ZNF600: variants seen among roughly 807,000 people sequenced by gnomAD.
ZNF600 encodes zinc finger protein KR-ZNF1.
ZNF600 carries 4 observed loss-of-function variants against 7.3 expected under a neutral mutation model. That is an observed-to-expected ratio of 0.55 (90% CI 0.27 to 1.25). The LOEUF is 1.25. Ranked by LOEUF, ZNF600 falls within the 50% of genes most tolerant of loss-of-function variation. ZNF600 has a pLI of 0.12. For missense variants in ZNF600, 911 were observed against 922.1 expected, an observed-to-expected ratio of 0.99 and a Z score of 0.16; for synonymous variants, 290 against 308.9, an observed-to-expected ratio of 0.94 and a Z score of 0.64.
At chr19:52,799,296 A>G in the ZNF600 span, 3 of 354,350 alleles carry the variant, frequency 8.5e-6, no homozygotes, top group East Asian at 1.3e-4. Context: ...TTGAATTCTA[A>G]TATGTTTTGC....
intron 1 of ZNF600, among the ~76,000 whole-genome samples, chr19:52,783,847 A>G (rs2062743338): frequency 6.6e-6 from 1 of 150,938 alleles, no homozygotes; most frequent in Non-Finnish European, 1.5e-5. Flanking sequence ...CTGAAGTCCA[A>G]TGGTGCGATC....
At chr19:52,802,805 G>T in the ZNF600 span, among the ~76,000 whole-genome samples, 3,063 of 148,464 alleles carry the variant, frequency 0.021, 117 homozygotes, top group African/African-American at 0.072. Context: ...CTGTCGCCCA[G>T]GCTGGAGTGC....
the ZNF600 span, among the ~76,000 whole-genome samples, chr19:52,816,601 T>C: frequency 1.5e-3 from 215 of 144,782 alleles, 30 homozygotes; most frequent in African/African-American, 5.5e-3. Context: ...GAGGCAGAGC[T>C]TGCAGTGAGC....
chr19:52,804,105 G>T, the ZNF600 span, among the ~76,000 whole-genome samples: 1 of 152,178 alleles, frequency 6.6e-6, no homozygotes. Flanking sequence ...CATTTATAGA[G>T]ACATTAAAGA....
intron 2 of ZNF600, among the ~76,000 whole-genome samples, chr19:52,776,382 C>T (rs1330436640): frequency 2.0e-5 from 3 of 151,890 alleles, no homozygotes; most frequent in African/African-American, 7.3e-5. Flanking sequence ...TGGACACACA[C>T]AGGCATACAT....
the ZNF600 span, chr19:52,810,390 C>A: frequency 6.2e-7 from 1 of 1,604,962 alleles, no homozygotes; most frequent in Non-Finnish European, 8.5e-7. Flanking sequence ...TTCAGTCAAC[C>A]ACGTTACCAT....
upstream of ZNF600, among the ~76,000 whole-genome samples, chr19:52,791,114 A>G (rs1409405366): frequency 6.6e-6 from 1 of 152,212 alleles, no homozygotes; most frequent in East Asian, 1.9e-4. Context: ...AATTTACCAG[A>G]TATCTGTGCA....
chr19:52,807,698 C>T, the ZNF600 span, among the ~76,000 whole-genome samples: 1 of 152,070 alleles, frequency 6.6e-6, no homozygotes, highest in Non-Finnish European at 1.5e-5. Context: ...TGGTTTTGAA[C>T]TCCTCACCCA....
chr19:52,776,880 G>C (rs1312513407), intron 2 of ZNF600, among the ~76,000 whole-genome samples: 2 of 152,076 alleles, frequency 1.3e-5, no homozygotes, highest in Admixed American at 6.5e-5. Flanking sequence ...TCTAATCCAA[G>C]CTACTGGAGA....
chr19:52,801,020 C>T, the ZNF600 span: 1 of 1,613,952 alleles, frequency 6.2e-7, no homozygotes, highest in Non-Finnish European at 8.5e-7. Flanking sequence ...TCTTGCCACA[C>T]TCATTACACT....
At chr19:52,778,834 G>A in exon 2 of ZNF600, 8 of 1,607,362 alleles carry the variant, frequency 5.0e-6, no homozygotes, top group Non-Finnish European at 6.8e-6. Flanking sequence ...ACCTGAGGAA[G>A]AGCCATGCCT....
chr19:52,784,048 T>C (rs1034743453), intron 1 of ZNF600, among the ~76,000 whole-genome samples: 59 of 151,732 alleles, frequency 3.9e-4, no homozygotes, highest in African/African-American at 1.3e-3. Flanking sequence ...GCACTCCAGC[T>C]TGGGCAAAAA....
chr19:52,771,232 C>T (rs542569971), intron 3 of ZNF600, among the ~76,000 whole-genome samples: 11 of 152,280 alleles, frequency 7.2e-5, no homozygotes, highest in South Asian at 2.1e-4. Context: ...GGCTAAACCA[C>T]GAAGAAGGCT....
the ZNF600 span, among the ~76,000 whole-genome samples, chr19:52,827,675 GCTGGGACTACAGGCACCCGCCACCACGC>G: frequency 6.6e-6 from 1 of 151,672 alleles, no homozygotes; most frequent in African/African-American, 2.4e-5. Flanking sequence ...CTCCCGAGTA[GCTGGGACTACAGGCACCCGCCACCACGC>G]CTGGCTAATT....
At chr19:52,801,076 A>T in the ZNF600 span, 2 of 1,614,180 alleles carry the variant, frequency 1.2e-6, no homozygotes, top group South Asian at 2.2e-5. Flanking sequence ...CATGCAAGGT[A>T]TCGCTTCTGA....
the ZNF600 span, among the ~76,000 whole-genome samples, chr19:52,795,449 T>A: frequency 6.5e-4 from 98 of 150,698 alleles, no homozygotes; most frequent in African/African-American, 1.5e-3. Flanking sequence ...GTTAAAAAAA[T>A]ATATATATAT....
At chr19:52,791,300 C>T (rs1033668322), upstream of ZNF600, among the ~76,000 whole-genome samples, 1 of 152,220 alleles carries the variant, frequency 6.6e-6, no homozygotes, top group Non-Finnish European at 1.5e-5. Context: ...CCAGTGGAGC[C>T]TCTTCCCAAG....
At chr19:52,810,558 C>G in the ZNF600 span, 2 of 1,594,414 alleles carry the variant, frequency 1.3e-6, no homozygotes, top group African/African-American at 2.7e-5. Context: ...ATCAGCACAA[C>G]AGACCGGGGT....
the ZNF600 span, among the ~76,000 whole-genome samples, chr19:52,818,904 A>T: frequency 7.2e-6 from 1 of 138,424 alleles, no homozygotes; most frequent in Non-Finnish European, 1.5e-5. Flanking sequence ...AAAAAAAAAA[A>T]GTGCATTTCT....
Sources: gnomAD v4.1 joint callset for allele counts (sites outside exome capture counted in the v4.1 genomes callset) on GRCh38, gnomAD v4.1.1 for gene constraint, MANE v1.5 for transcripts, NCBI Gene and HGNC (gene_info 2026-07-23, HGNC 2026-07-21) for gene names.